The following MSI2 variants were observed in gnomAD, a reference collection of about 807,000 sequenced individuals.
MSI2 encodes the protein musashi RNA binding protein 2.
MSI2 carries 17 observed loss-of-function variants against 45.6 expected under a neutral mutation model. The observed-to-expected ratio is 0.37, with a 90% CI of 0.26 to 0.56. MSI2 has a LOEUF of 0.56. Ranked by LOEUF, MSI2 falls within the 20% of genes least tolerant of loss-of-function variation. MSI2 has a pLI of 0.77. For synonymous variants in MSI2, 156 were observed against 158.2 expected, an observed-to-expected ratio of 0.99 and a Z score of 0.11; for missense variants, 293 against 444.2, an observed-to-expected ratio of 0.66 and a Z score of 3.06.
chr17:57,256,684 C>T lies in MSI2; in HGVS notation c.-59C>T. On this transcript the variant is annotated 5_prime_UTR_variant, in exon 1 of 14. Transcript: ENST00000284073. ...TCGGGGCTCGGAGCCGGCCGCCGCT[C>T]CGCTCCGATCGCTGTGGGGCTTGGT... 1 of 832,370 alleles carries T rather than the reference C, an allele frequency of 1.2e-6. No individual in the cohort carries two copies. The highest frequency in any genetic ancestry group is 1.6e-6 in the Non-Finnish European group (1 of 607,382). The allele number at this position is 832,370 out of a possible 1,614,324, so 51.6% of individuals were successfully genotyped here.
intron 6 of MSI2, among the ~76,000 whole-genome samples, chr17:57,427,411 TAAATAAAAGA>T (rs2084513630): frequency 1.2e-4 from 16 of 137,868 alleles, no homozygotes; most frequent in Middle Eastern, 3.6e-3. Flanking sequence ...AAAAAAAAAA[TAAATAAAAGA>T]AAATAAAAGA....
chr17:57,571,210 G>C (rs755667491), intron 7 of MSI2, among the ~76,000 whole-genome samples: 1 of 152,216 alleles, frequency 6.6e-6, no homozygotes, highest in Non-Finnish European at 1.5e-5. Context: ...CGAGGAACCA[G>C]AGGCAGGAAG....
intron 4 of MSI2, among the ~76,000 whole-genome samples, chr17:57,258,891 G>T (rs1907061834): frequency 1.3e-5 from 2 of 152,112 alleles, no homozygotes; most frequent in Admixed American, 1.3e-4. Flanking sequence ...CATCCACTGG[G>T]GTGACTCCAG....
chr17:57,502,324 G>A (rs1205132013), intron 6 of MSI2, among the ~76,000 whole-genome samples: 1 of 151,924 alleles, frequency 6.6e-6, no homozygotes, highest in African/African-American at 2.4e-5. Flanking sequence ...TGGGCTCTGG[G>A]GTCCACTGTT....
intron 7 of MSI2, among the ~76,000 whole-genome samples, chr17:57,583,221 A>C (rs1156603389): frequency 6.6e-6 from 1 of 152,224 alleles, no homozygotes; most frequent in Non-Finnish European, 1.5e-5. Flanking sequence ...GCCAGATCGC[A>C]TAATCTATAC....
intron 5 of MSI2, among the ~76,000 whole-genome samples, chr17:57,352,557 G>A (rs1252442366): frequency 6.6e-6 from 1 of 152,202 alleles, no homozygotes; most frequent in East Asian, 1.9e-4. Flanking sequence ...GAGCAGCTCT[G>A]TGTTTCTTCT....
chr17:57,409,963 G>A (rs771017240), intron 6 of MSI2, among the ~76,000 whole-genome samples: 103 of 134,852 alleles, frequency 7.6e-4, no homozygotes, highest in Admixed American at 1.8e-3. Context: ...AGCCGAGATC[G>A]TGCCACTGCA....
At chr17:57,572,810 G>A (rs893045758) in intron 7 of MSI2, among the ~76,000 whole-genome samples, 1 of 152,156 alleles carries the variant, frequency 6.6e-6, no homozygotes, top group African/African-American at 2.4e-5. Flanking sequence ...CTGCTTCCCC[G>A]CCGTCCTGAT....
At chr17:57,295,940 G>A (rs1406093594) in intron 5 of MSI2, among the ~76,000 whole-genome samples, 2 of 141,124 alleles carry the variant, frequency 1.4e-5, no homozygotes, top group Non-Finnish European at 3.0e-5. Flanking sequence ...CTCATGCTCA[G>A]AGGAGAAGAA....
rs188230080 is a variant in MSI2 at position 57,502,606 on chromosome 17, T to G, written c.406-27070T>G. Among the ~76,000 whole-genome samples, 557 of 81,212 alleles carry G rather than the reference T, an allele frequency of 6.9e-3. 18 individuals are homozygous for G. Among genetic ancestry groups the G allele is most frequent in the African/African-American group, 0.031 (519 of 16,976 alleles). 53.3% of individuals were successfully genotyped at this position (81,212 alleles called of 152,430 possible). A position where few individuals can be genotyped will look rare whatever the true frequency, so the allele number is the denominator to read the frequency against. On this transcript the variant is annotated intron_variant, in intron 6 of 13. Coordinates refer to ENST00000284073, the MANE Select transcript of MSI2 (RefSeq NM_138962.4). Reference sequence around the variant, plus strand: ...GAATGGAGAAGATGACTCTGAGATATATATATATATATATATATATATATA... The same window carrying G: ...GAATGGAGAAGATGACTCTGAGATAGATATATATATATATATATATATATA...
chr17:57,293,545 G>C (rs939447676), intron 5 of MSI2, among the ~76,000 whole-genome samples: 3 of 151,484 alleles, frequency 2.0e-5, no homozygotes, highest in Non-Finnish European at 2.9e-5. Flanking sequence ...TTTTTTCCTG[G>C]ATATATAGCA....
intron 9 of MSI2, among the ~76,000 whole-genome samples, chr17:57,624,720 C>T (rs955590156): frequency 8.5e-5 from 13 of 152,158 alleles, no homozygotes; most frequent in African/African-American, 2.2e-4. Flanking sequence ...TGAGCTGTGA[C>T]TGCAAATTTG....
chr17:57,580,810 C>T (rs554438550), intron 7 of MSI2, among the ~76,000 whole-genome samples: 185 of 152,170 alleles, frequency 1.2e-3, no homozygotes, highest in African/African-American at 4.2e-3. Flanking sequence ...TCAGAGGTGG[C>T]TCTGCTAAAG....
intron 6 of MSI2, among the ~76,000 whole-genome samples, chr17:57,446,352 G>A (rs1190859348): frequency 6.6e-6 from 1 of 152,102 alleles, no homozygotes; most frequent in African/African-American, 2.4e-5. Flanking sequence ...TTAGCGAGGT[G>A]GCAGGACCAG....
In MSI2 at chr17:57,321,459, C is replaced by T. The variant is rs189149348; in HGVS notation, c.312+59267C>T. On this transcript the variant is annotated intron_variant, in intron 5 of 13. Coordinates refer to ENST00000284073, the MANE Select transcript of MSI2 (RefSeq NM_138962.4). ...CTCCCGTGATATCCTAGCACTCTAG[C>T]CTTCCGTCCCAAATAATAGTTATGG... Among the ~76,000 whole-genome samples, 74 of 152,292 alleles carry T rather than the reference C, an allele frequency of 4.9e-4. 1 individual carries two copies. The highest frequency in any genetic ancestry group is 1.7e-3 in the African/African-American group (69 of 41,570).
intron 7 of MSI2, among the ~76,000 whole-genome samples, chr17:57,573,579 C>T (rs780046952): frequency 3.3e-5 from 5 of 152,228 alleles, no homozygotes; most frequent in East Asian, 1.9e-4. Context: ...TGGGGATCAA[C>T]CCCCATCACT....
intron 6 of MSI2, among the ~76,000 whole-genome samples, chr17:57,443,605 G>A (rs758545879): frequency 2.0e-5 from 3 of 152,136 alleles, no homozygotes; most frequent in Admixed American, 2.0e-4. Context: ...CTCTCAGGTC[G>A]AAGAGCAAGT....
chr17:57,487,382 C>A (rs277066), intron 6 of MSI2, among the ~76,000 whole-genome samples: 124,577 of 151,946 alleles, frequency 0.82, 51,335 homozygotes, highest in East Asian at 0.89. Flanking sequence ...TCTGTCCCCA[C>A]ATCTCCAGTT....
chr17:57,636,447 C>A (rs1909845927), intron 10 of MSI2, among the ~76,000 whole-genome samples: 1 of 152,190 alleles, frequency 6.6e-6, no homozygotes, highest in Non-Finnish European at 1.5e-5. Flanking sequence ...CTTCCATCCA[C>A]CCCCTCCTCT....
Sources: allele counts gnomAD v4.1 joint callset (sites outside exome capture counted in the v4.1 genomes callset), GRCh38; gene constraint gnomAD v4.1.1; transcripts MANE v1.5; gene names NCBI Gene and HGNC (gene_info 2026-07-23, HGNC 2026-07-21).